The following BBX variants were observed in gnomAD, a reference collection of about 807,000 sequenced individuals.
The protein encoded by BBX is BBX high mobility group box domain containing.
In BBX, 30 loss-of-function variants were observed where a neutral mutation model predicts 100.2. That is an observed-to-expected ratio of 0.30 (90% confidence interval 0.22 to 0.41). The LOEUF (loss-of-function observed/expected upper bound fraction) is 0.41. Among genes scored for constraint, BBX ranks in the 10% least tolerant of loss-of-function variants. The pLI is 1.00. For synonymous variants in BBX, 376 were observed against 388.1 expected, an observed-to-expected ratio of 0.97 and a Z score of 0.37; for missense variants, 1,023 against 1,129.8, an observed-to-expected ratio of 0.91 and a Z score of 1.35.
intron 2 of BBX, among the ~76,000 whole-genome samples, chr3:107,605,385 T>TG (rs2054357311): frequency 6.6e-6 from 1 of 150,674 alleles, no homozygotes; most frequent in Non-Finnish European, 1.5e-5. Context: ...ATTTTTTTTT[T>TG]TGGGGGGGGG....
At chr3:107,711,572 C>A (rs375001053) in intron 4 of BBX, among the ~76,000 whole-genome samples, 2 of 152,252 alleles carry the variant, frequency 1.3e-5, no homozygotes, top group African/African-American at 2.4e-5. Context: ...TACTAATGAC[C>A]TTTTCTCCTT....
intron 6 of BBX, among the ~76,000 whole-genome samples, chr3:107,732,743 A>G (rs1191701057): frequency 6.6e-6 from 1 of 152,210 alleles, no homozygotes. Flanking sequence ...ATGGTGAGAC[A>G]AGAGTGGTAT....
intron 3 of BBX, among the ~76,000 whole-genome samples, chr3:107,691,414 T>C (rs2060163851): frequency 6.6e-6 from 1 of 152,104 alleles, no homozygotes; most frequent in South Asian, 2.1e-4. Flanking sequence ...GGAATATAAA[T>C]AACACCTGAA....
At chr3:107,562,381 A>G (rs914970786) in intron 2 of BBX, among the ~76,000 whole-genome samples, 1 of 152,084 alleles carries the variant, frequency 6.6e-6, no homozygotes, top group Non-Finnish European at 1.5e-5. Flanking sequence ...AAAGAATAAT[A>G]GTTCTTTAGA....
chr3:107,572,738 T>C (rs999941554), intron 2 of BBX, among the ~76,000 whole-genome samples: 1 of 152,168 alleles, frequency 6.6e-6, no homozygotes, highest in African/African-American at 2.4e-5. Flanking sequence ...TTTAAAAATA[T>C]ACTGATTTAC....
chr3:107,761,392 G>A (rs2065890012), intron 10 of BBX, among the ~76,000 whole-genome samples: 2 of 152,178 alleles, frequency 1.3e-5, no homozygotes, highest in African/African-American at 4.8e-5. Context: ...GCAGCACTTA[G>A]AGAGATCTTC....
At chr3:107,538,162 C>T (rs1268415726) in intron 2 of BBX, among the ~76,000 whole-genome samples, 2 of 152,150 alleles carry the variant, frequency 1.3e-5, no homozygotes, top group African/African-American at 4.8e-5. Flanking sequence ...CATACTTAGA[C>T]CCAGAGAACA....
intron 3 of BBX, among the ~76,000 whole-genome samples, chr3:107,708,714 T>G (rs1300394009): frequency 6.6e-6 from 1 of 151,210 alleles, no homozygotes; most frequent in Non-Finnish European, 1.5e-5. Context: ...TTATTAAAAA[T>G]GAAGATTTTT....
rs1002992540 is a variant in BBX, at chr3:107,616,607, A to G, written c.-83-29229A>G. Among the ~76,000 whole-genome samples, 13 of 152,172 alleles carry G rather than the reference A, an allele frequency of 8.5e-5. No individual in the cohort carries two copies. The East Asian group carries it at 1.2e-3, about 14-fold the overall frequency. On this transcript the variant is annotated intron_variant, in intron 2 of 17. Transcript: ENST00000325805. The stretch of plus-strand genomic sequence containing the variant: ...AACAACTTAAGCTGTTTCAGTAGGT[A>G]TATGGCAATCTCATTGTGGTTTGAA...
Position 107,773,356 on chromosome 3 carries a change from C to A in BBX, c.1635C>A (p.Asp545Glu). ...EKKMSKEKSS[D>E]TTKESRPPDF... ...AAATGTCAAAGGAGAAATCCTCAGACACCACCAAAGAGTCAAGACCTCCAG... is the reference window on the plus strand; with the variant it reads ...AAATGTCAAAGGAGAAATCCTCAGAAACCACCAAAGAGTCAAGACCTCCAG... The change falls in exon 11 of 18, where the codon GAC (aspartate) becomes GAA (glutamate). Residue 545 changes from aspartate to glutamate, a missense_variant. Transcript: ENST00000325805. The surrounding 1 kb of genome is among the most constrained non-coding windows in gnomAD (Gnocchi z 4.1). 1 of 1,614,104 alleles carries A rather than the reference C, an allele frequency of 6.2e-7. No homozygotes were observed. Among genetic ancestry groups the A allele is most frequent in the Non-Finnish European group, 8.5e-7 (1 of 1,179,990 alleles).
intron 3 of BBX, among the ~76,000 whole-genome samples, chr3:107,697,516 A>C (rs558288845): frequency 6.6e-6 from 1 of 151,938 alleles, no homozygotes; most frequent in Non-Finnish European, 1.5e-5. Flanking sequence ...CTCGGGGGTC[A>C]GGGGTCAGGG....
intron 2 of BBX, among the ~76,000 whole-genome samples, chr3:107,603,030 C>T (rs933419812): frequency 1.3e-5 from 2 of 152,270 alleles, no homozygotes; most frequent in African/African-American, 4.8e-5. Flanking sequence ...GTGGCACAAT[C>T]TCAGCTCACT....
intron 2 of BBX, among the ~76,000 whole-genome samples, chr3:107,594,021 C>A (rs909559908): frequency 6.6e-6 from 1 of 152,118 alleles, no homozygotes; most frequent in African/African-American, 2.4e-5. Flanking sequence ...GTGCTTGTAT[C>A]AGGTCATCAA....
intron 5 of BBX, among the ~76,000 whole-genome samples, chr3:107,726,374 T>C (rs2062935834): frequency 6.6e-6 from 1 of 151,784 alleles, no homozygotes; most frequent in Non-Finnish European, 1.5e-5. Context: ...TGATGGCATC[T>C]CTATCTAAAC....
chr3:107,669,538 C>A (rs1250895781), intron 3 of BBX, among the ~76,000 whole-genome samples: 2 of 151,946 alleles, frequency 1.3e-5, no homozygotes, highest in African/African-American at 4.8e-5. Flanking sequence ...TAAAGGGCCA[C>A]TAAAGGGTTT....
At chr3:107,669,349 G>A (rs1453979718) in intron 3 of BBX, among the ~76,000 whole-genome samples, 2 of 152,076 alleles carry the variant, frequency 1.3e-5, no homozygotes, top group African/African-American at 2.4e-5. Context: ...CAAATGATAA[G>A]AGGCAAAAAA....
At chr3:107,592,236 G>A (rs982283707) in intron 2 of BBX, among the ~76,000 whole-genome samples, 1 of 151,740 alleles carries the variant, frequency 6.6e-6, no homozygotes, top group Non-Finnish European at 1.5e-5. Context: ...GTTTAGTGGT[G>A]CGCACGTGTG....
intron 13 of BBX, among the ~76,000 whole-genome samples, chr3:107,788,557 C>T (rs533603472): frequency 1.3e-4 from 19 of 151,574 alleles, no homozygotes; most frequent in Admixed American, 3.3e-4. Context: ...CCAAGGTGGG[C>T]GGATTGCTTG....
intron 3 of BBX, among the ~76,000 whole-genome samples, chr3:107,668,786 T>G (rs534450880): frequency 1.9e-3 from 295 of 152,326 alleles, no homozygotes; most frequent in Non-Finnish European, 2.4e-3. Flanking sequence ...TGCCGGAGAC[T>G]TTTGTTGATT....
Sources: gnomAD v4.1 joint callset for allele counts (sites outside exome capture counted in the v4.1 genomes callset) on GRCh38, gnomAD v4.1.1 for gene constraint, Gnocchi (gnomAD v3.1) non-coding constraint, MANE v1.5 for transcripts, NCBI Gene and HGNC (gene_info 2026-07-23, HGNC 2026-07-21) for gene names.